Variants in MDFIC observed in about 807,000 individuals in gnomAD.
MDFIC encodes MyoD family inhibitor domain containing.
MDFIC carries 17 observed loss-of-function variants against 23.2 expected under a neutral mutation model. The ratio of observed to expected loss-of-function variants is 0.73; its 90% CI spans 0.50 to 1.10. MDFIC has a LOEUF of 1.10. MDFIC is among the 50% of genes least tolerant of loss of function. The pLI, the probability that MDFIC is intolerant of heterozygous loss-of-function variation, is 0.00. For missense variants in MDFIC, 356 were observed against 316.6 expected (o/e 1.12, Z -0.95); for synonymous variants, 120 against 115.2 (o/e 1.04, Z -0.27).
At chr7:114,961,084 C>G (rs1792981301) in intron 3 of MDFIC, among the ~76,000 whole-genome samples, 2 of 152,084 alleles carry the variant, frequency 1.3e-5, no homozygotes, top group Admixed American at 1.3e-4. Context: ...TTCCTCCGCA[C>G]CACCCCTGCC....
chr7:114,977,345 G>A (rs1257095482), intron 3 of MDFIC, among the ~76,000 whole-genome samples: 3 of 152,112 alleles, frequency 2.0e-5, no homozygotes, highest in African/African-American at 2.4e-5. Flanking sequence ...CAAGGATCAT[G>A]TCCATCCATT....
chr7:114,939,042 A>G (rs1295947310), intron 2 of MDFIC, among the ~76,000 whole-genome samples: 2 of 152,192 alleles, frequency 1.3e-5, no homozygotes, highest in East Asian at 3.8e-4. Context: ...ACAATTATCT[A>G]TCAATAAATC....
chr7:114,931,499 C>A (rs4404841), intron 2 of MDFIC, among the ~76,000 whole-genome samples: 1 of 152,128 alleles, frequency 6.6e-6, no homozygotes, highest in African/African-American at 2.4e-5. Context: ...TTCGGTGTGC[C>A]TACAAGGTCC....
chr7:114,939,307 G>C (rs539736986), intron 2 of MDFIC, among the ~76,000 whole-genome samples: 1 of 152,148 alleles, frequency 6.6e-6, no homozygotes, highest in Admixed American at 6.5e-5. Flanking sequence ...TGGGTGCTGC[G>C]GATCACAGCA....
chr7:114,994,803 G>T lies in MDFIC; in HGVS notation c.493+15022G>T, dbSNP rs557039227. 1.8e-3 allele frequency among the ~76,000 whole-genome samples: 277 copies of T among 152,104 alleles called. 1 individual carries two copies. The highest frequency in any genetic ancestry group is 2.9e-3 in the Non-Finnish European group (200 of 67,990). ...TAACATTTTTTCCTTCATTTCCACT[G>T]TGGTGAATCTGACAATTATGTCTTG... On this transcript the variant is annotated intron_variant, in intron 4 of 4. Transcript: ENST00000393486.
chr7:114,931,512 C>T (rs754427435), intron 2 of MDFIC, among the ~76,000 whole-genome samples: 4 of 152,046 alleles, frequency 2.6e-5, no homozygotes, highest in African/African-American at 7.2e-5. Context: ...CAAGGTCCTG[C>T]GAAAATTAAG....
intron 3 of MDFIC, among the ~76,000 whole-genome samples, chr7:114,962,085 T>A (rs1208007478): frequency 2.0e-4 from 31 of 151,576 alleles, no homozygotes; most frequent in Admixed American, 2.0e-3. Context: ...TCTTTCCAGA[T>A]TTTTTTCTAG....
intron 4 of MDFIC, among the ~76,000 whole-genome samples, chr7:114,996,434 G>A (rs1349699664): frequency 6.6e-6 from 1 of 152,126 alleles, no homozygotes; most frequent in East Asian, 1.9e-4. Context: ...ACTGAGATGA[G>A]AAGACTATAG....
intron 3 of MDFIC, among the ~76,000 whole-genome samples, chr7:114,967,416 C>T (rs982205803): frequency 6.6e-6 from 1 of 152,176 alleles, no homozygotes; most frequent in Non-Finnish European, 1.5e-5. Context: ...ATGCCTGAAG[C>T]TGCATCATAG....
intron 4 of MDFIC, among the ~76,000 whole-genome samples, chr7:114,983,873 T>G (rs1369641630): frequency 6.6e-6 from 1 of 151,984 alleles, no homozygotes; most frequent in Non-Finnish European, 1.5e-5. Flanking sequence ...ATAATTAGAG[T>G]GCCTTCTATG....
intron 3 of MDFIC, among the ~76,000 whole-genome samples, chr7:114,970,840 G>A (rs983867521): frequency 2.6e-5 from 4 of 152,150 alleles, no homozygotes; most frequent in African/African-American, 9.7e-5. Context: ...GGCTACCAAG[G>A]CTGTTCCTTA....
chr7:114,958,371 G>C (rs187287653), intron 3 of MDFIC, among the ~76,000 whole-genome samples: 1 of 152,096 alleles, frequency 6.6e-6, no homozygotes, highest in African/African-American at 2.4e-5. Context: ...AACAAAATAC[G>C]CTCTCTTCTT....
intron 3 of MDFIC, among the ~76,000 whole-genome samples, chr7:114,970,906 C>T (rs1361119051): frequency 6.6e-6 from 1 of 152,146 alleles, no homozygotes; most frequent in Non-Finnish European, 1.5e-5. Flanking sequence ...TCAGTTCTTC[C>T]TCTACTCACC....
intron 3 of MDFIC, among the ~76,000 whole-genome samples, chr7:114,972,159 A>C (rs1793217783): frequency 6.6e-6 from 1 of 152,118 alleles, no homozygotes; most frequent in Non-Finnish European, 1.5e-5. Flanking sequence ...TAAGGGGTGA[A>C]GTAACTTTTG....
chr7:114,994,136 T>A (rs1791259720), intron 4 of MDFIC, among the ~76,000 whole-genome samples: 1 of 152,232 alleles, frequency 6.6e-6, no homozygotes, highest in African/African-American at 2.4e-5. Context: ...TCTTTGTTGG[T>A]TTAAAGTCTG....
intron 2 of MDFIC, among the ~76,000 whole-genome samples, chr7:114,924,499 G>A (rs765360749): frequency 6.6e-6 from 1 of 152,196 alleles, no homozygotes; most frequent in Non-Finnish European, 1.5e-5. Flanking sequence ...AGAATGTGCA[G>A]TGGTACTTAA....
intron 4 of MDFIC, among the ~76,000 whole-genome samples, chr7:115,012,414 T>C (rs956290818): frequency 2.6e-5 from 4 of 152,136 alleles, no homozygotes; most frequent in Admixed American, 2.6e-4. Context: ...CATGTTAAAT[T>C]GTGACAGTTT....
intron 3 of MDFIC, among the ~76,000 whole-genome samples, chr7:114,960,256 G>A (rs1010596135): frequency 6.6e-6 from 1 of 152,174 alleles, no homozygotes; most frequent in African/African-American, 2.4e-5. Flanking sequence ...ACAGAGTGAT[G>A]AGAATAACCA....
At chr7:114,995,673 A>G (rs1367729072) in intron 4 of MDFIC, among the ~76,000 whole-genome samples, 1 of 152,236 alleles carries the variant, frequency 6.6e-6, no homozygotes, top group African/African-American at 2.4e-5. Context: ...ATTGCTGAAC[A>G]GCAAATGTTG....
Sources: allele counts gnomAD v4.1 joint callset (sites outside exome capture counted in the v4.1 genomes callset), GRCh38; gene constraint gnomAD v4.1.1; transcripts MANE v1.5; gene names NCBI Gene and HGNC (gene_info 2026-07-23, HGNC 2026-07-21).